Variants in SEMA3F observed in about 807,000 individuals in gnomAD.
SEMA3F encodes the protein semaphorin-3F.
SEMA3F carries 30 observed loss-of-function variants against 98.5 expected under a neutral mutation model. That is an observed-to-expected ratio of 0.30 (90% confidence interval 0.23 to 0.41). The LOEUF is 0.41. Among genes scored for constraint, SEMA3F ranks in the 10% least tolerant of loss-of-function variants. The probability of loss-of-function intolerance (pLI) is 1.00; values close to 1 mark genes in which losing one functional copy is unlikely to be tolerated. For synonymous variants in SEMA3F, 380 were observed against 444.8 expected (o/e 0.85, Z 1.83); for missense variants, 866 against 1,119.3 (o/e 0.77, Z 3.23).
intron 6 of SEMA3F, among the ~76,000 whole-genome samples, chr3:50,176,052 T>C (rs1698796395): frequency 1.3e-5 from 2 of 152,032 alleles, no homozygotes; most frequent in Non-Finnish European, 2.9e-5. Context: ...CTCACCCCTG[T>C]CCCAGTGCCT....
intron 2 of SEMA3F, among the ~76,000 whole-genome samples, chr3:50,163,766 G>A (rs1425071715): frequency 6.6e-6 from 1 of 152,208 alleles, no homozygotes; most frequent in East Asian, 1.9e-4. Flanking sequence ...GGCCAGTGTG[G>A]CACCAGGGAG....
At position 50,174,213 on chromosome 3, in the gene SEMA3F, C is replaced by T. The variant is rs753276436; in HGVS notation, c.337-18C>T. 8 of 1,613,718 alleles carry T rather than the reference C, an allele frequency of 5.0e-6. No individual in the cohort carries two copies. The Admixed American group carries it at 1.3e-4, about 27-fold the overall frequency. ...AGGCCTGGCCAGGGCACCTATGCAG[C>T]CTTCCCTGTGGCCCCAGGGCGAGTG... On this transcript the variant is annotated intron_variant, in intron 4 of 18. Transcript: ENST00000002829.
intron 2 of SEMA3F, among the ~76,000 whole-genome samples, chr3:50,167,313 G>A (rs919320557): frequency 1.3e-5 from 2 of 152,222 alleles, no homozygotes; most frequent in Non-Finnish European, 1.5e-5. Context: ...TGCCGAGGCC[G>A]GAGAGACCCC....
chr3:50,168,622 G>A (rs1698492992), intron 2 of SEMA3F, among the ~76,000 whole-genome samples: 1 of 152,184 alleles, frequency 6.6e-6, no homozygotes, highest in African/African-American at 2.4e-5. Flanking sequence ...CCTTCCGGCT[G>A]GCCGCTCATT....
intron 16 of SEMA3F, 115 bp from the exon 17 acceptor site, chr3:50,186,166 G>A (rs2109124772): frequency 1.4e-6 from 2 of 1,444,360 alleles, no homozygotes; most frequent in East Asian, 4.6e-5. Flanking sequence ...GGAGTCTTAT[G>A]GGTAAGACAT....
chr3:50,180,436 A>G (rs192674321), intron 7 of SEMA3F, among the ~76,000 whole-genome samples: 12 of 152,300 alleles, frequency 7.9e-5, no homozygotes, highest in African/African-American at 1.2e-4. Flanking sequence ...GATTACAGGC[A>G]TGAGCCACTG....
rs539562353 is a variant in SEMA3F, at chr3:50,176,798, C to T, written c.580C>T (p.Leu194Phe). The T allele has an allele frequency of 5.1e-5, 82 of 1,613,662 alleles. 1 individual carries two copies. The South Asian group carries it at 7.4e-4, about 14-fold the overall frequency. Reference protein sequence around the residue: ...DYIFYLEPERLESGKGKCPYD... With the variant: ...DYIFYLEPERFESGKGKCPYD... ...CATCTTCTACCTGGAGCCTGAGCGA[C>T]TCGAGTCAGGGAAGGGCAAGTGTCC... The change falls in exon 7 of 19, where the codon CTC becomes TTC. Residue 194 changes from leucine to phenylalanine, a missense_variant. By Grantham distance (22) the Leu-to-Phe change is conservative. Coordinates refer to ENST00000002829, the MANE Select transcript of SEMA3F (RefSeq NM_004186.5).
At chr3:50,186,923 C>T (rs1699243497) in intron 18 of SEMA3F, among the ~76,000 whole-genome samples, 177 bp downstream of exon 18, 1 of 152,200 alleles carries the variant, frequency 6.6e-6, no homozygotes, top group Non-Finnish European at 1.5e-5. Flanking sequence ...GGATTGGCCT[C>T]ATTCTATGGA....
intron 2 of SEMA3F, among the ~76,000 whole-genome samples, chr3:50,165,751 G>A (rs975440771): frequency 7.9e-5 from 12 of 152,232 alleles, no homozygotes; most frequent in Admixed American, 3.3e-4. Flanking sequence ...CCTAGCTCAC[G>A]TGGGTGCCAG....
intron 2 of SEMA3F, among the ~76,000 whole-genome samples, chr3:50,165,182 G>A (rs1485709785): frequency 6.6e-6 from 1 of 152,198 alleles, no homozygotes; most frequent in African/African-American, 2.4e-5. Flanking sequence ...TCTTGAGCAG[G>A]GGAGGGGAGG....
rs200634554 is a variant in SEMA3F, at chr3:50,185,617, G to A, written c.1546-49G>A. ...TCTGACCTGAGACCTCTAGGTCAGG[G>A]CAGGGAGGGGGTCCCTGGCATCCCA... On this transcript the variant is annotated intron_variant, in intron 14 of 18. Coordinates refer to ENST00000002829, the MANE Select transcript of SEMA3F (RefSeq NM_004186.5). 2.4e-5 allele frequency: 39 copies of A among 1,612,812 alleles called. No individual in the cohort carries two copies. In the South Asian group the frequency reaches 3.3e-4, roughly 14 times the overall value.
At chr3:50,186,490 T>C in intron 17 of SEMA3F, 123 bp from the exon 18 acceptor site, 3 of 1,411,028 alleles carry the variant, frequency 2.1e-6, no homozygotes, top group South Asian at 2.5e-5. Flanking sequence ...GGGATGTCCC[T>C]AGTTGCCCCA....
intron 17 of SEMA3F, 26 bp downstream of exon 17, chr3:50,186,374 G>A: frequency 6.2e-7 from 1 of 1,607,180 alleles, no homozygotes; most frequent in Non-Finnish European, 8.5e-7. Context: ...CTCACTGTGG[G>A]GTGCTGCTCA....
At chr3:50,175,647 G>A (rs1206170094) in intron 6 of SEMA3F, among the ~76,000 whole-genome samples, 2 of 152,104 alleles carry the variant, frequency 1.3e-5, no homozygotes, top group Non-Finnish European at 2.9e-5. Flanking sequence ...TGCTTGGGGC[G>A]CTCTTCTCCC....
chr3:50,175,456 C>A (rs1698776118), intron 6 of SEMA3F, among the ~76,000 whole-genome samples: 1 of 152,244 alleles, frequency 6.6e-6, no homozygotes, highest in Admixed American at 6.5e-5. Flanking sequence ...CATGCCTTAG[C>A]CCTCAGAAAG....
At position 50,173,947 on chromosome 3, in the gene SEMA3F, C is replaced by T. The variant is rs759918248; in HGVS notation, c.267C>T (p.Pro89=). Residue 89 remains proline, a synonymous_variant, in exon 3 of 19, where the codon CCC becomes CCT. Transcript: ENST00000002829. Reference sequence around the variant, plus strand: ...ACCTGCACGACATCAACCGCGAGCCCCTCATTGTAAGGGCTGGCCCTGATG... The same window carrying T: ...ACCTGCACGACATCAACCGCGAGCCTCTCATTGTAAGGGCTGGCCCTGATG... ...SLDLHDINRE[P]LIIHWAASPQ... is the part of the protein sequence containing the mutation. 1.9e-5 allele frequency: 31 copies of T among 1,613,988 alleles called. No individual in the cohort carries two copies. The South Asian group carries it at 3.2e-4, about 17-fold the overall frequency.
intron 2 of SEMA3F, among the ~76,000 whole-genome samples, chr3:50,164,441 G>T (rs1190380645): frequency 1.3e-5 from 2 of 152,206 alleles, no homozygotes; most frequent in Non-Finnish European, 2.9e-5. Flanking sequence ...TGGGCTCTTG[G>T]CTGTCTGCAC....
rs758726299 is a variant in SEMA3F at position 50,185,435 on chromosome 3, C to T, written c.1457-8C>T. On this transcript the variant is annotated splice_region_variant and splice_polypyrimidine_tract_variant and intron_variant, in intron 13 of 18. Transcript: ENST00000002829. ...AGCCCCACTGAGGCCCTGCCCGGCCCGTTCCAGACCGCGGGACAGTGCAGA... is the reference window on the plus strand; with the variant it reads ...AGCCCCACTGAGGCCCTGCCCGGCCTGTTCCAGACCGCGGGACAGTGCAGA... The T allele has an allele frequency of 6.2e-6, 10 of 1,611,742 alleles. No individual in the cohort carries two copies. Among genetic ancestry groups the T allele is most frequent in the African/African-American group, 2.7e-5 (2 of 74,868 alleles).
intron 5 of SEMA3F, among the ~76,000 whole-genome samples, chr3:50,174,795 C>T (rs147937247): frequency 1.9e-4 from 29 of 152,334 alleles, no homozygotes; most frequent in African/African-American, 5.5e-4. Flanking sequence ...GGGAGCTGCC[C>T]CTTCCCCAGC....
Sources: allele counts gnomAD v4.1 joint callset (sites outside exome capture counted in the v4.1 genomes callset), GRCh38; gene constraint gnomAD v4.1.1; transcripts MANE v1.5; gene names NCBI Gene and HGNC (gene_info 2026-07-23, HGNC 2026-07-21).